UNC5D: variants seen among roughly 807,000 people sequenced by gnomAD.
The protein encoded by UNC5D is unc-5 netrin receptor D.
In UNC5D, 39 loss-of-function variants were observed where a neutral mutation model predicts 105.4. The observed-to-expected ratio is 0.37, with a 90% CI of 0.29 to 0.48. The LOEUF (loss-of-function observed/expected upper bound fraction) is 0.48. Among genes scored for constraint, UNC5D ranks in the 20% least tolerant of loss-of-function variants. The pLI is 0.98. For missense variants in UNC5D, 991 were observed against 1,202.4 expected (o/e 0.82, Z 2.60); for synonymous variants, 452 against 450.4 (o/e 1.00, Z -0.04).
At chr8:35,777,002 T>C (rs1454788290) in intron 16 of UNC5D, among the ~76,000 whole-genome samples, 2 of 152,152 alleles carry the variant, frequency 1.3e-5, no homozygotes, top group African/African-American at 4.8e-5. Context: ...ATGCCTGTAA[T>C]CCCAGCACTT....
intron 1 of UNC5D, among the ~76,000 whole-genome samples, chr8:35,519,275 T>C (rs1813302734): frequency 6.6e-6 from 1 of 152,140 alleles, no homozygotes; most frequent in Non-Finnish European, 1.5e-5. Flanking sequence ...TGTATGGGGC[T>C]GACATGATTA....
intron 1 of UNC5D, among the ~76,000 whole-genome samples, chr8:35,409,575 T>C (rs1250997754): frequency 6.6e-6 from 1 of 151,828 alleles, no homozygotes; most frequent in African/African-American, 2.4e-5. Flanking sequence ...AATCTTTTGC[T>C]CATTTTTAAA....
At chr8:35,644,108 A>G (rs1022770696) in intron 4 of UNC5D, among the ~76,000 whole-genome samples, 15 of 152,292 alleles carry the variant, frequency 9.8e-5, no homozygotes, top group African/African-American at 3.4e-4. Context: ...CTAAATCATC[A>G]TGTATTGCGG....
intron 16 of UNC5D, among the ~76,000 whole-genome samples, chr8:35,786,892 A>C (rs1323464693): frequency 6.6e-6 from 1 of 152,202 alleles, no homozygotes; most frequent in Non-Finnish European, 1.5e-5. Context: ...CCATGAGCTA[A>C]GGATGGTTTT....
intron 1 of UNC5D, among the ~76,000 whole-genome samples, chr8:35,432,838 C>A (rs922533283): frequency 6.6e-6 from 1 of 152,114 alleles, no homozygotes; most frequent in Admixed American, 6.6e-5. Context: ...CTATCACTTT[C>A]GAGGCCAAGG....
At chr8:35,602,277 T>G (rs1819942179) in intron 4 of UNC5D, among the ~76,000 whole-genome samples, 1 of 152,178 alleles carries the variant, frequency 6.6e-6, no homozygotes, top group Non-Finnish European at 1.5e-5. Flanking sequence ...GTTGTGTCTC[T>G]GCCAGGCTTT....
chr8:35,366,289 A>G (rs1414189500), intron 1 of UNC5D, among the ~76,000 whole-genome samples: 3 of 152,060 alleles, frequency 2.0e-5, no homozygotes, highest in African/African-American at 2.4e-5. Context: ...ATGCTAAGGA[A>G]CTTCTTCCAT....
chr8:35,520,874 C>T (rs1252905596), intron 1 of UNC5D, among the ~76,000 whole-genome samples: 1 of 152,138 alleles, frequency 6.6e-6, no homozygotes, highest in Non-Finnish European at 1.5e-5. Flanking sequence ...CTAATATTTA[C>T]AATTCATTTC....
chr8:35,659,492 A>C (rs1480875649), intron 4 of UNC5D, among the ~76,000 whole-genome samples: 1 of 152,258 alleles, frequency 6.6e-6, no homozygotes, highest in Non-Finnish European at 1.5e-5. Flanking sequence ...TGTTTACATT[A>C]ATCACCTGTT....
At chr8:35,385,160 T>A (rs1313864095) in intron 1 of UNC5D, among the ~76,000 whole-genome samples, 5 of 152,194 alleles carry the variant, frequency 3.3e-5, no homozygotes, top group Non-Finnish European at 7.3e-5. Context: ...GTCTGTTTCA[T>A]CTGATGATCT....
chr8:35,327,251 G>A (rs563404305), intron 1 of UNC5D, among the ~76,000 whole-genome samples: 3 of 152,124 alleles, frequency 2.0e-5, no homozygotes, highest in African/African-American at 7.2e-5. Context: ...TCACTCGCTT[G>A]CAACTATGTA....
chr8:35,474,760 G>A (rs1318525109), intron 1 of UNC5D, among the ~76,000 whole-genome samples: 1 of 152,114 alleles, frequency 6.6e-6, no homozygotes, highest in Non-Finnish European at 1.5e-5. Context: ...CATTGCATGA[G>A]GCCATTGAGA....
intron 14 of UNC5D, among the ~76,000 whole-genome samples, chr8:35,763,052 TTTTTTG>T (rs1271301430): frequency 6.6e-6 from 1 of 152,164 alleles, no homozygotes; most frequent in Non-Finnish European, 1.5e-5. Context: ...CTCGTTGGTG[TTTTTTG>T]TTTTTGTTTT....
intron 4 of UNC5D, among the ~76,000 whole-genome samples, chr8:35,598,545 A>G (rs1335314990): frequency 6.6e-6 from 1 of 152,212 alleles, no homozygotes; most frequent in African/African-American, 2.4e-5. Context: ...TTCCACTACT[A>G]GGTATATATA....
intron 4 of UNC5D, among the ~76,000 whole-genome samples, chr8:35,622,706 C>CA (rs1821433475): frequency 6.6e-6 from 1 of 152,180 alleles, no homozygotes; most frequent in African/African-American, 2.4e-5. Flanking sequence ...TTGTCCACAG[C>CA]ATTCCATTCA....
intron 1 of UNC5D, among the ~76,000 whole-genome samples, chr8:35,437,142 A>G (rs1807071035): frequency 6.6e-6 from 1 of 151,972 alleles, no homozygotes; most frequent in African/African-American, 2.4e-5. Flanking sequence ...CCTGGCTCAT[A>G]CTTCGTTATT....
intron 11 of UNC5D, among the ~76,000 whole-genome samples, chr8:35,740,219 G>A (rs947122193): frequency 3.3e-5 from 5 of 152,188 alleles, no homozygotes; most frequent in Admixed American, 1.3e-4. Context: ...ATTGACAACC[G>A]TACAAAGGGG....
At chr8:35,767,093 G>C (rs763800147) in intron 15 of UNC5D, 27 bp downstream of exon 15, 1 of 1,583,972 alleles carries the variant, frequency 6.3e-7, no homozygotes, top group Non-Finnish European at 8.6e-7. Flanking sequence ...CAGGTCATTT[G>C]ACCCCCTTTC....
chr8:35,699,470 T>G lies in UNC5D; in HGVS notation c.1085-6459T>G, dbSNP rs529199043. On this transcript the variant is annotated intron_variant, in intron 7 of 16. Coordinates refer to ENST00000404895, the MANE Select transcript of UNC5D (RefSeq NM_080872.4). Reference sequence around the variant, plus strand: ...AGATGTCAATAGAACCGTTTTTCATTTACTAATGTGCATCTCAACTCATAG... The same window carrying G: ...AGATGTCAATAGAACCGTTTTTCATGTACTAATGTGCATCTCAACTCATAG... 5.3e-5 allele frequency among the ~76,000 whole-genome samples: 8 copies of G among 152,270 alleles called. No homozygotes were observed. The South Asian group carries it at 1.0e-3, about 20-fold the overall frequency.
Sources: gnomAD v4.1 joint callset for allele counts (sites outside exome capture counted in the v4.1 genomes callset) on GRCh38, gnomAD v4.1.1 for gene constraint, MANE v1.5 for transcripts, NCBI Gene and HGNC (gene_info 2026-07-23, HGNC 2026-07-21) for gene names.